The following PRKD2 variants were observed in gnomAD, a reference collection of about 807,000 sequenced individuals.
The protein encoded by PRKD2 is protein kinase D2, also known as serine/threonine-protein kinase D2.
A neutral mutation model predicts 86.0 loss-of-function variants in PRKD2; 22 were observed. That is an observed-to-expected ratio of 0.26 (90% CI 0.18 to 0.37). The LOEUF is 0.37. Ranked by LOEUF, PRKD2 falls within the 10% of genes least tolerant of loss-of-function variation. The probability of loss-of-function intolerance (pLI) is 1.00; values close to 1 mark genes in which losing one functional copy is unlikely to be tolerated. For missense variants in PRKD2, 818 were observed against 1,199.2 expected (o/e 0.68, Z 4.70); for synonymous variants, 509 against 510.9 (o/e 1.00, Z 0.05).
chr19:46,676,178 C>G (rs1468605314), intron 16 of PRKD2, among the ~76,000 whole-genome samples: 2 of 151,778 alleles, frequency 1.3e-5, no homozygotes, highest in Non-Finnish European at 2.9e-5. Flanking sequence ...CCTGTAATCC[C>G]AACACTTTGG....
intron 14 of PRKD2, among the ~76,000 whole-genome samples, chr19:46,683,406 A>T (rs114787569): frequency 0.029 from 4,385 of 151,948 alleles, 189 homozygotes; most frequent in African/African-American, 0.099. Flanking sequence ...TTTCATTTTT[A>T]AAAAAAATAT....
Position 46,697,244 on chromosome 19 carries a change from T to C in PRKD2, c.1240-10A>G. 1 of 1,573,372 alleles carries C rather than the reference T, an allele frequency of 6.4e-7. No homozygotes were observed. The stretch of plus-strand genomic sequence containing the variant: ...AATAGTGCCGCTTTCTCTGCAGAGA[T>C]GTTTGAAGAGTCACGTGAACCGCCA... On this transcript the variant is annotated splice_polypyrimidine_tract_variant and intron_variant, in intron 8 of 17. Coordinates refer to ENST00000291281, the MANE Select transcript of PRKD2 (RefSeq NM_016457.5).
chr19:46,679,229 C>T lies in PRKD2; in HGVS notation c.2071-566G>A, dbSNP rs529523728. Among the ~76,000 whole-genome samples, 16 of 152,204 alleles carry T rather than the reference C, an allele frequency of 1.1e-4. No homozygotes were observed. The South Asian group carries it at 1.7e-3, about 16-fold the overall frequency. On this transcript the variant is annotated intron_variant, in intron 15 of 17. Coordinates refer to ENST00000291281, the MANE Select transcript of PRKD2 (RefSeq NM_016457.5). ...CCTGCGGTCCCAGCTACTCAGGAGG[C>T]TGAGGCAGGAGAATCGCCTGAACCT...
At chr19:46,691,068 G>A (rs2053476877) in intron 12 of PRKD2, among the ~76,000 whole-genome samples, 1 of 152,074 alleles carries the variant, frequency 6.6e-6, no homozygotes, top group Non-Finnish European at 1.5e-5. Context: ...TACAGAGAAG[G>A]AAACTGAGTC....
At chr19:46,682,209 T>G (rs970470814) in intron 14 of PRKD2, among the ~76,000 whole-genome samples, 1 of 152,104 alleles carries the variant, frequency 6.6e-6, no homozygotes, top group African/African-American at 2.4e-5. Context: ...GGTTTCACCA[T>G]GTTGGCCAGG....
At chr19:46,680,735 GCT>G (rs1187969192) in intron 15 of PRKD2, among the ~76,000 whole-genome samples, 1 of 151,084 alleles carries the variant, frequency 6.6e-6, no homozygotes, top group Non-Finnish European at 1.5e-5. Flanking sequence ...ACAGGGTCTT[GCT>G]CTGTCACCCC....
chr19:46,694,147 A>T lies in PRKD2; in HGVS notation c.1318-14T>A. On this transcript the variant is annotated splice_polypyrimidine_tract_variant and intron_variant, in intron 9 of 17. Transcript: ENST00000291281. ...CAGCGGAATTTCCTGCAGGACGTGG[A>T]ACCAGCACAGGTGAGGATGCCAGGC... is the stretch of plus-strand genomic sequence containing the variant. 6.2e-7 allele frequency: 1 copy of T among 1,612,622 alleles called. No homozygotes were observed. The highest frequency in any genetic ancestry group is 8.5e-7 in the Non-Finnish European group (1 of 1,178,936).
At position 46,693,788 on chromosome 19, in the gene PRKD2, C is replaced by T; in HGVS notation, c.1576+87G>A. 3.3e-6 allele frequency: 5 copies of T among 1,499,618 alleles called. No individual in the cohort carries two copies. The highest frequency in any genetic ancestry group is 1.8e-6 in the Non-Finnish European group (2 of 1,126,794). The allele number at this position is 1,499,618 out of a possible 1,614,324, so 92.9% of individuals were successfully genotyped here. A position where few individuals can be genotyped will look rare whatever the true frequency, so the allele number is the denominator to read the frequency against. On this transcript the variant is annotated intron_variant, in intron 10 of 17. Coordinates refer to ENST00000291281, the MANE Select transcript of PRKD2 (RefSeq NM_016457.5). The surrounding 1 kb of genome is among the most constrained non-coding windows in gnomAD (Gnocchi z 4.5). ...GCGTTCTCAACCCCACCATTGCCCA[C>T]TTTCCTCTTTGGCCCTTCCATTCCC...
intron 3 of PRKD2, among the ~76,000 whole-genome samples, chr19:46,706,503 C>T (rs1269272576): frequency 6.6e-6 from 1 of 152,182 alleles, no homozygotes; most frequent in Non-Finnish European, 1.5e-5. Flanking sequence ...CCAGTGTTGG[C>T]CTTGAATCAC....
At chr19:46,708,044 G>A (rs943700258) in intron 3 of PRKD2, among the ~76,000 whole-genome samples, 4 of 152,072 alleles carry the variant, frequency 2.6e-5, no homozygotes, top group African/African-American at 4.8e-5. Flanking sequence ...GTTGTGGTGA[G>A]CTGAGATCGC....
chr19:46,699,444 G>A (rs1368086261), intron 7 of PRKD2, among the ~76,000 whole-genome samples: 1 of 152,190 alleles, frequency 6.6e-6, no homozygotes, highest in Non-Finnish European at 1.5e-5. Context: ...CACAGCAGGT[G>A]CTCATTAAAT....
intron 3 of PRKD2, among the ~76,000 whole-genome samples, chr19:46,709,651 G>A (rs116633906): frequency 0.014 from 2,153 of 151,668 alleles, 45 homozygotes; most frequent in African/African-American, 0.049. Flanking sequence ...GTGAGCCACC[G>A]CACCCGGCCC....
intron 2 of PRKD2, among the ~76,000 whole-genome samples, chr19:46,712,859 T>G (rs962051255): frequency 3.3e-5 from 5 of 152,194 alleles, no homozygotes; most frequent in Non-Finnish European, 7.3e-5. Context: ...ACTGGAATAG[T>G]GAGTGGATGA....
chr19:46,713,873 C>T lies in PRKD2; in HGVS notation c.369G>A (p.Val123=). Residue 123 remains valine (V), a synonymous_variant, in exon 2 of 18, where the codon GTG becomes GTA. Transcript: ENST00000291281. ...GDIQEGDLVE[V]VLSASATFED... ...GCCACCACCTCTCACCCGACAGCAC[C>T]ACCTCCACCAGGTCGCCCTCCTGGA... 1.9e-6 allele frequency: 3 copies of T among 1,605,542 alleles called. No individual in the cohort carries two copies. Among genetic ancestry groups the T allele is most frequent in the South Asian group, 1.1e-5 (1 of 90,228 alleles).
Position 46,678,392 on chromosome 19 carries a change from G to C in PRKD2, c.2338+4C>G. The C allele has an allele frequency of 6.2e-7, 1 of 1,613,970 alleles. No individual in the cohort carries two copies. Among genetic ancestry groups the C allele is most frequent in the Non-Finnish European group, 8.5e-7 (1 of 1,179,970 alleles). On this transcript the variant is annotated splice_donor_region_variant and intron_variant, in intron 16 of 17. Transcript: ENST00000291281. The surrounding 1 kb of genome is among the most constrained non-coding windows in gnomAD (Gnocchi z 5.7). ...CGCCCATGGGGTAGGCGGGCCCCAG[G>C]CACCTCCAGCTGAGATGTGGCTCCA...
intron 5 of PRKD2, among the ~76,000 whole-genome samples, chr19:46,701,518 T>C (rs764144350): frequency 1.3e-5 from 2 of 151,550 alleles, no homozygotes; most frequent in African/African-American, 2.4e-5. Context: ...GCCCAGCTGA[T>C]TTTTTTGTGT....
Position 46,678,381 on chromosome 19 carries a change from G to T in PRKD2, c.2338+15C>A. ...CACAACCCACCCGCCCATGGGGTAG[G>T]CGGGCCCCAGGCACCTCCAGCTGAG... On this transcript the variant is annotated intron_variant, in intron 16 of 17. Transcript: ENST00000291281. This position sits in a 1 kb window ranked among gnomAD's most constrained non-coding sequence, Gnocchi z 5.7. 6.2e-7 allele frequency: 1 copy of T among 1,613,378 alleles called. No homozygotes were observed. Among genetic ancestry groups the T allele is most frequent in the Non-Finnish European group, 8.5e-7 (1 of 1,179,834 alleles).
At chr19:46,713,135 C>T (rs890954272) in intron 2 of PRKD2, among the ~76,000 whole-genome samples, 2 of 151,518 alleles carry the variant, frequency 1.3e-5, no homozygotes, top group Non-Finnish European at 2.9e-5. Flanking sequence ...CCTCCCACCT[C>T]AGCCTCCCAA....
At position 46,716,320 on chromosome 19, in the gene PRKD2, C is replaced by T. The variant is rs757304642; in HGVS notation, c.51G>A (p.Pro17=). 2.0e-6 allele frequency: 3 copies of T among 1,496,638 alleles called. No homozygotes were observed. Among genetic ancestry groups the T allele is most frequent in the African/African-American group, 2.9e-5 (2 of 68,364 alleles). The allele number at this position is 1,496,638 out of a possible 1,614,324, so 92.7% of individuals were successfully genotyped here. A position where few individuals can be genotyped will look rare whatever the true frequency, so the allele number is the denominator to read the frequency against. ...YPAGLPGSPG[P]GSPPPPGGLE... The stretch of plus-strand genomic sequence containing the variant: ...GGCCGCCGGGGGGCGGAGGAGACCC[C>T]GGCCCGGGAGAGCCAGGGAGCCCGG... Residue 17 remains proline, a synonymous_variant, in exon 1 of 18, where the codon CCG becomes CCA. Coordinates refer to ENST00000291281, the MANE Select transcript of PRKD2 (RefSeq NM_016457.5). This position sits in a 1 kb window ranked among gnomAD's most constrained non-coding sequence, Gnocchi z 7.9.
Sources: allele counts gnomAD v4.1 joint callset (sites outside exome capture counted in the v4.1 genomes callset), GRCh38; gene constraint gnomAD v4.1.1; non-coding constraint Gnocchi (gnomAD v3.1); transcripts MANE v1.5; gene names NCBI Gene and HGNC (gene_info 2026-07-23, HGNC 2026-07-21).